Variants in NLRP4 observed in about 807,000 individuals in gnomAD.
NLRP4 encodes the protein NACHT, LRR and PYD domains-containing protein 4.
Under a neutral mutation model 84.7 loss-of-function variants are expected in NLRP4, and 44 were observed. That is an observed-to-expected ratio of 0.52 (90% CI 0.41 to 0.67). NLRP4 has a LOEUF of 0.67. Ranked by LOEUF, NLRP4 falls within the 30% of genes least tolerant of loss-of-function variation. The pLI, the probability that NLRP4 is intolerant of heterozygous loss-of-function variation, is 0.00. For missense variants in NLRP4, 1,260 were observed against 1,219.4 expected (o/e 1.03, Z -0.50); for synonymous variants, 544 against 476.4 (o/e 1.14, Z -1.85).
chr19:55,842,417 T>A (rs867128057), intron 1 of NLRP4, among the ~76,000 whole-genome samples: 3 of 152,162 alleles, frequency 2.0e-5, no homozygotes, highest in South Asian at 2.1e-4. Flanking sequence ...GCAGACAAAC[T>A]TTTTTATGGT....
At chr19:55,874,808 C>T (rs1985311767) in intron 7 of NLRP4, among the ~76,000 whole-genome samples, 1 of 152,080 alleles carries the variant, frequency 6.6e-6, no homozygotes, top group South Asian at 2.1e-4. Flanking sequence ...ATAATCCTTA[C>T]AATTTTTGTA....
chr19:55,859,202 T>C lies in NLRP4; in HGVS notation c.1809T>C (p.Cys603=), dbSNP rs1235689596. The C allele has an allele frequency of 3.7e-6, 6 of 1,607,506 alleles. No individual in the cohort carries two copies. The African/African-American group carries it at 6.7e-5, about 18-fold the overall frequency. The change falls in exon 3 of 10, where the codon TGT becomes TGC. Residue 603 remains cysteine, a synonymous_variant. Transcript: ENST00000301295. Reference sequence around the variant, plus strand: ...ACTGCTCCAGCTTGAGGAAACTCTGTTTTTCCGTTCAAAATGTCTTTAAGA... The same window carrying C: ...ACTGCTCCAGCTTGAGGAAACTCTGCTTTTCCGTTCAAAATGTCTTTAAGA... ...LKYCSSLRKL[C]FSVQNVFKKE... is the part of the protein sequence containing the mutation.
intron 5 of NLRP4, among the ~76,000 whole-genome samples, chr19:55,864,092 GTATAAC>G (rs1408318022): frequency 1.3e-5 from 2 of 152,044 alleles, no homozygotes; most frequent in African/African-American, 4.8e-5. Flanking sequence ...TACTTTTAAA[GTATAAC>G]TATGCTTTAA....
At chr19:55,840,384 ATTTTCTT>A (rs1300665580) in intron 1 of NLRP4, among the ~76,000 whole-genome samples, 1 of 133,956 alleles carries the variant, frequency 7.5e-6, no homozygotes, top group Non-Finnish European at 1.6e-5. Flanking sequence ...GTGTATACAT[ATTTTCTT>A]TTTTCTTTTT....
At chr19:55,842,195 G>C (rs552938882) in intron 1 of NLRP4, among the ~76,000 whole-genome samples, 2 of 152,184 alleles carry the variant, frequency 1.3e-5, no homozygotes, top group African/African-American at 2.4e-5. Context: ...TCCGTTCTTA[G>C]TTACCTCTTT....
At chr19:55,870,525 T>G (rs1316675163) in intron 6 of NLRP4, among the ~76,000 whole-genome samples, 1 of 152,048 alleles carries the variant, frequency 6.6e-6, no homozygotes. Context: ...TAGCGAGATG[T>G]GGTTGTGGGT....
chr19:55,865,232 T>C (rs892670963), intron 5 of NLRP4, among the ~76,000 whole-genome samples: 6 of 152,216 alleles, frequency 3.9e-5, no homozygotes, highest in African/African-American at 1.2e-4. Flanking sequence ...AGTGAGAACA[T>C]GTGATATTTG....
intron 6 of NLRP4, among the ~76,000 whole-genome samples, chr19:55,869,678 C>A (rs302436): frequency 6.6e-6 from 1 of 151,950 alleles, no homozygotes; most frequent in Non-Finnish European, 1.5e-5. Flanking sequence ...GCCAGGAAAT[C>A]TAAATATCCG....
In NLRP4 at chr19:55,858,102, C is replaced by G. The variant is rs1193794222; in HGVS notation, c.709C>G (p.Gln237Glu). 1 of 1,614,138 alleles carries G rather than the reference C, an allele frequency of 6.2e-7. No homozygotes were observed. The highest frequency in any genetic ancestry group is 1.7e-5 in the Admixed American group (1 of 60,006). The change falls in exon 3 of 10, where the codon CAG (glutamine) becomes GAG (glutamate). Residue 237 changes from glutamine to glutamate, a missense_variant. This residue lies in a region of NLRP4 where 712 missense variants were observed against 669.2 expected (regional missense o/e 1.06). Transcript: ENST00000301295. The surrounding 1 kb of genome is among the most constrained non-coding windows in gnomAD (Gnocchi z 4.2). ...CGTCATCGACAGCTTCGAAGAGCTG[C>G]AGGGCGGCTTGAACGAACCCGATTC... ...LFVIDSFEELQGGLNEPDSDL... is the reference protein window; with the variant it reads ...LFVIDSFEELEGGLNEPDSDL...
Position 55,857,803 on chromosome 19 carries a change from G to C in NLRP4, c.410G>C (p.Arg137Pro). ...VKQEECDHLD[R>P]LFAPKEAGKQ... ...CAAGAAGAATGTGACCATTTGGACCGCCTTTTTGCTCCCAAGGAAGCTGGG... is the reference window on the plus strand; with the variant it reads ...CAAGAAGAATGTGACCATTTGGACCCCCTTTTTGCTCCCAAGGAAGCTGGG... Residue 137 changes from arginine (R) to proline (P), a missense_variant, in exon 3 of 10, where the codon CGC (arginine) becomes CCC (proline). Arg to Pro is a moderately radical substitution (Grantham distance 103). Transcript: ENST00000301295. 1 of 1,614,034 alleles carries C rather than the reference G, an allele frequency of 6.2e-7. No homozygotes were observed. The highest frequency in any genetic ancestry group is 8.5e-7 in the Non-Finnish European group (1 of 1,179,946).
At chr19:55,859,795 CG>C (rs1272576024) in intron 3 of NLRP4, among the ~76,000 whole-genome samples, 1 of 151,386 alleles carries the variant, frequency 6.6e-6, no homozygotes, top group Non-Finnish European at 1.5e-5. Flanking sequence ...GGGTGTGTAG[CG>C]CACACCTGTA....
intron 1 of NLRP4, among the ~76,000 whole-genome samples, chr19:55,840,330 ATATGTGTATGTG>A (rs200125991): frequency 7.5e-6 from 1 of 133,948 alleles, no homozygotes; most frequent in South Asian, 2.4e-4. Flanking sequence ...GTGTATAGAC[ATATGTGTATGTG>A]TATGTGTGTG....
chr19:55,872,081 C>T (rs1568673092), intron 7 of NLRP4, among the ~76,000 whole-genome samples: 1 of 152,102 alleles, frequency 6.6e-6, no homozygotes, highest in Non-Finnish European at 1.5e-5. Context: ...ATCTCCTGAT[C>T]TCGTGATCCG....
At chr19:55,857,163 G>A (rs991861636) in intron 2 of NLRP4, among the ~76,000 whole-genome samples, 11 of 152,134 alleles carry the variant, frequency 7.2e-5, no homozygotes, top group Admixed American at 3.3e-4. Flanking sequence ...TAGTCATATA[G>A]CTATTTTCCA....
Position 55,858,631 on chromosome 19 carries a change from A to T in NLRP4, c.1238A>T (p.Glu413Val). ...AAEGMWTDTF[E>V]FCEDDLRRNG... The stretch of plus-strand genomic sequence containing the variant: ...GAGGGTATGTGGACAGACACATTTG[A>T]GTTTTGTGAAGACGACCTCCGGAGA... The change falls in exon 3 of 10, where the codon GAG (glutamate) becomes GTG (valine). Residue 413 changes from glutamate to valine, a missense_variant. Around this residue, in one of 3 missense-constraint regions of NLRP4, gnomAD observed 712 missense variants for 669.2 expected, o/e 1.06. Coordinates refer to ENST00000301295, the MANE Select transcript of NLRP4 (RefSeq NM_134444.5). This position sits in a 1 kb window ranked among gnomAD's most constrained non-coding sequence, Gnocchi z 4.2. The T allele has an allele frequency of 6.2e-7, 1 of 1,614,074 alleles. No homozygotes were observed. The highest frequency in any genetic ancestry group is 2.2e-5 in the East Asian group (1 of 44,874).
At chr19:55,874,357 A>G (rs886530163) in intron 7 of NLRP4, among the ~76,000 whole-genome samples, 2 of 152,154 alleles carry the variant, frequency 1.3e-5, no homozygotes, top group African/African-American at 4.8e-5. Flanking sequence ...ATACTATGGC[A>G]CATCTAGATT....
chr19:55,877,234 G>T, intron 8 of NLRP4, 68 bp downstream of exon 8: 4 of 1,457,332 alleles, frequency 2.7e-6, no homozygotes, highest in Admixed American at 1.7e-5. Context: ...TGGGAAGAAA[G>T]AGAAAGATGA....
rs1296070229 is a variant in NLRP4, at chr19:55,859,085, C to T, written c.1692C>T (p.Ala564=). 3.1e-6 allele frequency: 5 copies of T among 1,613,652 alleles called. No individual in the cohort carries two copies. Among genetic ancestry groups the T allele is most frequent in the African/African-American group, 1.3e-5 (1 of 74,904 alleles). ...FYCLFEMQDP[A]FVKQAVNLLQ... is the part of the protein sequence containing the mutation. ...GTCTCTTTGAAATGCAGGATCCTGC[C>T]TTTGTGAAGCAGGCAGTGAACCTCC... is the stretch of plus-strand genomic sequence containing the variant. Residue 564 remains alanine (A), a synonymous_variant, in exon 3 of 10, where the codon GCC becomes GCT. Coordinates refer to ENST00000301295, the MANE Select transcript of NLRP4 (RefSeq NM_134444.5).
chr19:55,845,803 T>C (rs374536412), intron 1 of NLRP4, among the ~76,000 whole-genome samples: 7 of 147,158 alleles, frequency 4.8e-5, no homozygotes, highest in Non-Finnish European at 7.4e-5. Flanking sequence ...TTTCATGTGT[T>C]TTTTGGCTGC....
Sources: allele counts gnomAD v4.1 joint callset (sites outside exome capture counted in the v4.1 genomes callset), GRCh38; gene constraint gnomAD v4.1.1; regional missense constraint gnomAD v4.1.1; non-coding constraint Gnocchi (gnomAD v3.1); transcripts MANE v1.5; gene names NCBI Gene and HGNC (gene_info 2026-07-23, HGNC 2026-07-21).